Variants in ANXA10 observed in about 807,000 individuals in gnomAD.
ANXA10 encodes annexin A10.
A neutral mutation model predicts 53.5 loss-of-function variants in ANXA10; 49 were observed. That is an observed-to-expected ratio of 0.92 (90% CI 0.73 to 1.16). The LOEUF (loss-of-function observed/expected upper bound fraction) is 1.16, where lower values mean the gene tolerates loss of function less well. Among genes scored for constraint, ANXA10 ranks in the 50% most tolerant of loss-of-function variants. The pLI is 0.00. For missense variants in ANXA10, 393 were observed against 394.4 expected (o/e 1.00, Z 0.03); for synonymous variants, 131 against 128.9 (o/e 1.02, Z -0.11).
In ANXA10 at chr4:168,123,745, T is replaced by C. The variant is rs1731026365; in HGVS notation, c.19-4339T>C. Among the ~76,000 whole-genome samples the C allele has an allele frequency of 2.0e-5, 3 of 152,284 alleles. No homozygotes were observed. The South Asian group carries it at 6.2e-4, about 32-fold the overall frequency. On this transcript the variant is annotated intron_variant, in intron 1 of 11. Coordinates refer to ENST00000359299, the MANE Select transcript of ANXA10 (RefSeq NM_007193.5). ...AGAGAGCCATTGTCAGCATGTTATT[T>C]TTTTTTCACCCAGACAAACCTAAAT...
chr4:168,168,505 T>C (rs1277683926), intron 6 of ANXA10, among the ~76,000 whole-genome samples: 1 of 152,142 alleles, frequency 6.6e-6, no homozygotes, highest in Admixed American at 6.5e-5. Flanking sequence ...CTGCAACCTC[T>C]GCCTCCCTGG....
At chr4:168,124,376 T>C (rs2149468997) in intron 1 of ANXA10, among the ~76,000 whole-genome samples, 1 of 152,216 alleles carries the variant, frequency 6.6e-6, no homozygotes, top group South Asian at 2.1e-4. Flanking sequence ...TGTGTGACTG[T>C]GAGTCACGGT....
chr4:168,096,446 T>C lies in ANXA10; in HGVS notation c.18+3728T>C, dbSNP rs186717848. The stretch of plus-strand genomic sequence containing the variant: ...TTCTGTAGAACTAATAAGAGTTGGA[T>C]TGGAAAAATTAAATTTAACTTTTTC... On this transcript the variant is annotated intron_variant, in intron 1 of 11. Transcript: ENST00000359299. Among the ~76,000 whole-genome samples the C allele has an allele frequency of 1.9e-3, 293 of 152,286 alleles. 3 individuals carry two copies. The highest frequency in any genetic ancestry group is 7.2e-4 in the Non-Finnish European group (49 of 67,994).
chr4:168,105,986 G>C (rs1167882967), intron 1 of ANXA10, among the ~76,000 whole-genome samples: 4 of 152,002 alleles, frequency 2.6e-5, no homozygotes, highest in Non-Finnish European at 5.9e-5. Flanking sequence ...ACATGGAGTT[G>C]TTTGTTTTTT....
chr4:168,131,445 T>G (rs182541826), intron 2 of ANXA10, among the ~76,000 whole-genome samples: 1 of 152,156 alleles, frequency 6.6e-6, no homozygotes, highest in Admixed American at 6.6e-5. Flanking sequence ...TGTATTCTGC[T>G]TTTGTGGCAA....
rs775975576 is a variant in ANXA10, at chr4:168,179,282, G to A, written c.694G>A (p.Gly232Arg). 1.2e-6 allele frequency: 2 copies of A among 1,611,584 alleles called. No homozygotes were observed. Among genetic ancestry groups the A allele is most frequent in the Non-Finnish European group, 1.7e-6 (2 of 1,178,788 alleles). The change falls in exon 9 of 12, where the codon GGA (glycine) becomes AGA (arginine). Residue 232 changes from glycine to arginine, a missense_variant. Physicochemically the swap from Gly to Arg is moderately radical, Grantham distance 125. Coordinates refer to ENST00000359299, the MANE Select transcript of ANXA10 (RefSeq NM_007193.5). The part of the protein sequence containing the change: ...MVDAINECYD[G>R]YFQELLVAIV... Reference sequence around the variant, plus strand: ...AGATGCCATTAATGAATGTTATGATGGATACTTTCAGGAGCTGCTGGTTGC... The same window carrying A: ...AGATGCCATTAATGAATGTTATGATAGATACTTTCAGGAGCTGCTGGTTGC...
intron 10 of ANXA10, 129 bp downstream of exon 10, chr4:168,181,870 C>A: frequency 1.5e-6 from 1 of 681,834 alleles, no homozygotes; most frequent in Admixed American, 2.8e-5. Flanking sequence ...AAAATACACC[C>A]AAGTGAGAAA....
At chr4:168,162,709 C>A in intron 4 of ANXA10, 68 bp downstream of exon 4, 1 of 1,132,398 alleles carries the variant, frequency 8.8e-7, no homozygotes, top group Non-Finnish European at 1.3e-6. Flanking sequence ...GGGGAAACTG[C>A]CCTGTGATGC....
At chr4:168,181,835 C>G (rs1248467424) in intron 10 of ANXA10, 94 bp downstream of exon 10, 55 of 959,882 alleles carry the variant, frequency 5.7e-5, no homozygotes, top group Middle Eastern at 3.0e-4. Flanking sequence ...TGTTCATTAC[C>G]ATTTTTGAAC....
At chr4:168,138,074 G>T (rs1731268892) in intron 2 of ANXA10, among the ~76,000 whole-genome samples, 1 of 150,910 alleles carries the variant, frequency 6.6e-6, no homozygotes, top group Admixed American at 6.7e-5. Context: ...CAATTCTCCT[G>T]CCTCAGCCTA....
At chr4:168,138,731 A>C (rs1731279479) in intron 2 of ANXA10, among the ~76,000 whole-genome samples, 1 of 152,160 alleles carries the variant, frequency 6.6e-6, no homozygotes, top group African/African-American at 2.4e-5. Context: ...ATGAGCATGA[A>C]ATAATTTTCC....
intron 3 of ANXA10, among the ~76,000 whole-genome samples, chr4:168,155,779 TTATATATTA>T (rs1213676000): frequency 1.2e-4 from 1 of 8,156 alleles, no homozygotes; most frequent in African/African-American, 1.1e-3. Context: ...ATATCATATA[TTATATATTA>T]TATATAATAT....
At chr4:168,142,394 T>G (rs1445224849) in intron 3 of ANXA10, among the ~76,000 whole-genome samples, 1 of 152,140 alleles carries the variant, frequency 6.6e-6, no homozygotes, top group African/African-American at 2.4e-5. Flanking sequence ...TAACCATGGC[T>G]GCCCCTCACC....
At chr4:168,162,400 T>A (rs1326681193) in intron 3 of ANXA10, 128 bp from the exon 4 acceptor site, 4 of 695,046 alleles carry the variant, frequency 5.8e-6, no homozygotes, top group South Asian at 5.4e-5. Flanking sequence ...TACATGTGAA[T>A]CAGACTTGTT....
intron 8 of ANXA10, among the ~76,000 whole-genome samples, chr4:168,178,968 G>T (rs1482718036): frequency 1.3e-5 from 2 of 152,098 alleles, no homozygotes; most frequent in East Asian, 3.9e-4. Flanking sequence ...GAGTTAGTGG[G>T]TCCCACTGGA....
At chr4:168,165,389 C>CAAAAAAAA (rs33925175) in intron 6 of ANXA10, 63 bp downstream of exon 6, 3 of 400,012 alleles carry the variant, frequency 7.5e-6, no homozygotes, top group East Asian at 4.9e-5. Context: ...ATGTCATTGC[C>CAAAAAAAA]AAAAAAAAAA....
intron 6 of ANXA10, among the ~76,000 whole-genome samples, chr4:168,174,224 G>A (rs1732073799): frequency 6.6e-6 from 1 of 152,182 alleles, no homozygotes; most frequent in Admixed American, 6.5e-5. Flanking sequence ...AACAGGAAAA[G>A]TAGCTGCTTG....
intron 1 of ANXA10, among the ~76,000 whole-genome samples, chr4:168,120,048 C>G (rs960339837): frequency 1.3e-5 from 2 of 151,824 alleles, no homozygotes; most frequent in Non-Finnish European, 2.9e-5. Flanking sequence ...GGATGAAATA[C>G]AATACCGAGA....
chr4:168,109,368 A>T (rs926374455), intron 1 of ANXA10, among the ~76,000 whole-genome samples: 5 of 152,196 alleles, frequency 3.3e-5, no homozygotes, highest in African/African-American at 1.2e-4. Flanking sequence ...AAGTTTTTTT[A>T]AATTATCAAA....
Sources: gnomAD v4.1 joint callset for allele counts (sites outside exome capture counted in the v4.1 genomes callset) on GRCh38, gnomAD v4.1.1 for gene constraint, MANE v1.5 for transcripts, NCBI Gene and HGNC (gene_info 2026-07-23, HGNC 2026-07-21) for gene names.